The following SP100 variants were observed in gnomAD, a reference collection of about 807,000 sequenced individuals.
SP100 encodes SP100 nuclear body protein.
A neutral mutation model predicts 130.0 loss-of-function variants in SP100; 84 were observed. That is an observed-to-expected ratio of 0.65 (90% CI 0.54 to 0.77). The LOEUF is 0.77. Among genes scored for constraint, SP100 ranks in the 30% least tolerant of loss-of-function variants. The pLI is 0.00. For missense variants in SP100, 978 were observed against 1,052.2 expected (o/e 0.93, Z 0.97); for synonymous variants, 331 against 351.7 (o/e 0.94, Z 0.66).
At chr2:230,437,847 C>A (rs1026241065) in intron 2 of SP100, among the ~76,000 whole-genome samples, 1 of 152,110 alleles carries the variant, frequency 6.6e-6, no homozygotes, top group African/African-American at 2.4e-5. Flanking sequence ...TGAGCCACTG[C>A]GCCCAGCCGT....
intron 24 of SP100, among the ~76,000 whole-genome samples, chr2:230,537,051 A>G (rs1373229533): frequency 6.6e-6 from 1 of 152,158 alleles, no homozygotes. Flanking sequence ...TGAACCCATG[A>G]GTTTGAGACC....
At chr2:230,540,805 C>A in intron 25 of SP100, 71 bp from the exon 26 acceptor site, 1 of 1,549,612 alleles carries the variant, frequency 6.5e-7, no homozygotes, top group Non-Finnish European at 8.8e-7. Context: ...GAGCAGAGGA[C>A]TTGAACAACT....
Position 230,442,920 on chromosome 2 carries a change from G to A in SP100, c.108-17G>A. ...GAATCTTGATGACCATTTTCACATG[G>A]TGTCCTTTTTCCCTAGGATGTTCAC... On this transcript the variant is annotated splice_polypyrimidine_tract_variant and intron_variant, in intron 2 of 28. Coordinates refer to ENST00000340126, the MANE Select transcript of SP100 (RefSeq NM_001080391.2). 2 of 1,608,426 alleles carry A rather than the reference G, an allele frequency of 1.2e-6. No homozygotes were observed. The highest frequency in any genetic ancestry group is 1.1e-5 in the South Asian group (1 of 90,326).
chr2:230,511,100 C>A (rs569915713), intron 23 of SP100, 25 bp from the exon 24 acceptor site: 2 of 1,530,506 alleles, frequency 1.3e-6, no homozygotes, highest in East Asian at 2.2e-5. Context: ...CAATATTGTA[C>A]CAATCTTTCT....
At chr2:230,458,262 A>C (rs916552146) in intron 8 of SP100, among the ~76,000 whole-genome samples, 2 of 152,264 alleles carry the variant, frequency 1.3e-5, no homozygotes, top group Non-Finnish European at 2.9e-5. Flanking sequence ...GTATTCTCAC[A>C]ATGAAGTAAG....
At position 230,461,451 on chromosome 2, in the gene SP100, C is replaced by T. The variant is rs754602225; in HGVS notation, c.973+37C>T. 7 of 1,607,922 alleles carry T rather than the reference C, an allele frequency of 4.4e-6. No individual in the cohort carries two copies. The Admixed American group carries it at 8.4e-5, about 19-fold the overall frequency. On this transcript the variant is annotated intron_variant, in intron 9 of 28. Transcript: ENST00000340126. ...TGGGAGAGTTTGTAACTGTGAGTCA[C>T]AGGTTACCAGGTAAGGGGCTCAGGG...
chr2:230,518,738 T>C (rs1386150256), intron 24 of SP100, among the ~76,000 whole-genome samples: 1 of 152,118 alleles, frequency 6.6e-6, no homozygotes, highest in Non-Finnish European at 1.5e-5. Flanking sequence ...GTCAACCAAT[T>C]TTATAGCCTG....
intron 2 of SP100, among the ~76,000 whole-genome samples, chr2:230,421,439 A>G (rs1250294101): frequency 1.3e-5 from 2 of 151,614 alleles, no homozygotes; most frequent in African/African-American, 2.4e-5. Flanking sequence ...TTCTTGCTTT[A>G]CTATCTCATT....
chr2:230,518,118 C>CT (rs1201017000), intron 24 of SP100, among the ~76,000 whole-genome samples: 1 of 152,028 alleles, frequency 6.6e-6, no homozygotes, highest in Non-Finnish European at 1.5e-5. Context: ...ACTTACAAGA[C>CT]TTTTTTCTCA....
At chr2:230,484,901 G>C (rs1380266711) in intron 17 of SP100, among the ~76,000 whole-genome samples, 1 of 151,588 alleles carries the variant, frequency 6.6e-6, no homozygotes, top group South Asian at 2.1e-4. Context: ...TTTTCCCACT[G>C]GTTCATTATT....
chr2:230,425,397 G>A (rs111411726), intron 2 of SP100, among the ~76,000 whole-genome samples: 422 of 152,000 alleles, frequency 2.8e-3, no homozygotes, highest in Non-Finnish European at 5.0e-3. Context: ...TCTACCAATG[G>A]GCTTGTCATA....
intron 17 of SP100, 25 bp from the exon 18 acceptor site, chr2:230,494,388 GATT>G (rs746624911): frequency 6.7e-6 from 10 of 1,487,534 alleles, no homozygotes; most frequent in African/African-American, 1.4e-5. Context: ...AGTTCTAAAG[GATT>G]ATTTTCTTTC....
intron 23 of SP100, 21 bp from the exon 24 acceptor site, chr2:230,511,104 T>C: frequency 1.9e-6 from 3 of 1,552,498 alleles, no homozygotes; most frequent in Non-Finnish European, 1.8e-6. Flanking sequence ...ATTGTACCAA[T>C]CTTTCTGTTT....
chr2:230,446,081 A>G (rs1208363844), intron 4 of SP100, among the ~76,000 whole-genome samples: 2 of 152,186 alleles, frequency 1.3e-5, no homozygotes, highest in Non-Finnish European at 2.9e-5. Context: ...CTCATCTTTA[A>G]AGATGTTGAG....
chr2:230,459,927 A>T (rs1453642579), intron 8 of SP100, among the ~76,000 whole-genome samples: 1 of 152,172 alleles, frequency 6.6e-6, no homozygotes, highest in East Asian at 1.9e-4. Flanking sequence ...GGAGTGGTGA[A>T]TTGAAGGATG....
chr2:230,464,540 A>G (rs924012160), intron 11 of SP100, among the ~76,000 whole-genome samples: 5 of 152,218 alleles, frequency 3.3e-5, no homozygotes, highest in African/African-American at 1.2e-4. Flanking sequence ...GTTCATTGAT[A>G]ATTATTGTCT....
rs6740016 is a variant in SP100, at chr2:230,544,455, T to C, written c.*1509T>C. On this transcript the variant is annotated 3_prime_UTR_variant, in exon 29 of 29. Coordinates refer to ENST00000340126, the MANE Select transcript of SP100 (RefSeq NM_001080391.2). ...AACAAATTTACAAGACAAAAAGAAA[T>C]AACCCCATTAAAAAGTGGGCAAAGG... is the stretch of plus-strand genomic sequence containing the variant. Among the ~76,000 whole-genome samples, 121,284 of 152,012 alleles carry C rather than the reference T, an allele frequency of 0.8. 49,049 individuals are homozygous for C. Among genetic ancestry groups the C allele is most frequent in the Middle Eastern group, 0.91 (269 of 294 alleles).
In SP100 at chr2:230,438,664, C is replaced by T. The variant is rs1382475733; in HGVS notation, c.108-4273C>T. 2.3e-3 allele frequency among the ~76,000 whole-genome samples: 350 copies of T among 150,168 alleles called. 1 individual carries two copies. The highest frequency in any genetic ancestry group is 8.4e-3 in the African/African-American group (335 of 40,100). On this transcript the variant is annotated intron_variant, in intron 2 of 28. Coordinates refer to ENST00000340126, the MANE Select transcript of SP100 (RefSeq NM_001080391.2). ...GTATATATATACACACACACACACA[C>T]ACACACACACACACACACACACATA...
intron 2 of SP100, among the ~76,000 whole-genome samples, chr2:230,421,539 T>C (rs1267903185): frequency 7.7e-6 from 1 of 130,072 alleles, no homozygotes; most frequent in Non-Finnish European, 1.6e-5. Context: ...TTACTGGGAT[T>C]CAATTGAGAG....
Sources: gnomAD v4.1 joint callset for allele counts (sites outside exome capture counted in the v4.1 genomes callset) on GRCh38, gnomAD v4.1.1 for gene constraint, MANE v1.5 for transcripts, NCBI Gene and HGNC (gene_info 2026-07-23, HGNC 2026-07-21) for gene names.